The following ZPLD1 variants were observed in gnomAD, a reference collection of about 807,000 sequenced individuals.
ZPLD1 encodes zona pellucida-like domain-containing protein 1.
A neutral mutation model predicts 47.2 loss-of-function variants in ZPLD1; 34 were observed. The observed-to-expected ratio is 0.72, with a 90% CI of 0.55 to 0.96. ZPLD1 has a LOEUF of 0.96. Among genes scored for constraint, ZPLD1 ranks in the 40% least tolerant of loss-of-function variants. ZPLD1 has a pLI of 0.00. For missense variants in ZPLD1, 512 were observed against 505.8 expected (o/e 1.01, Z -0.12); for synonymous variants, 176 against 186.2 (o/e 0.95, Z 0.45).
At chr3:102,419,970 G>A (rs1471873324) in intron 8 of ZPLD1, among the ~76,000 whole-genome samples, 1 of 149,850 alleles carries the variant, frequency 6.7e-6, no homozygotes, top group Non-Finnish European at 1.5e-5. Context: ...AGCTTGATCT[G>A]GTTTGCTGTG....
exon 8 of ZPLD1, chr3:102,418,108 T>A (rs374407751): frequency 2.0e-5 from 3 of 152,306 alleles, no homozygotes; most frequent in African/African-American, 7.3e-5. Context: ...TTGACTCTTT[T>A]CTGAAAAAGT....
intron 7 of ZPLD1, among the ~76,000 whole-genome samples, chr3:102,394,716 G>A (rs1013000298): frequency 6.6e-6 from 1 of 151,974 alleles, no homozygotes; most frequent in African/African-American, 2.4e-5. Flanking sequence ...CTGGTGCTGT[G>A]GTTTGACCCT....
At chr3:102,457,393 A>G (rs1345027945) in intron 5 of ZPLD1, among the ~76,000 whole-genome samples, 2 of 152,192 alleles carry the variant, frequency 1.3e-5, no homozygotes, top group Non-Finnish European at 2.9e-5. Context: ...TCATTTACCT[A>G]CTATTTACCA....
At chr3:102,456,741 T>A (rs1040922910) in intron 5 of ZPLD1, among the ~76,000 whole-genome samples, 4 of 152,174 alleles carry the variant, frequency 2.6e-5, no homozygotes, top group African/African-American at 9.7e-5. Flanking sequence ...CCCTGTGGCG[T>A]CTCCAGTGTG....
In ZPLD1 at chr3:102,395,125, G is replaced by A. The variant is rs573231735; in HGVS notation, c.-157+2900G>A. 5.3e-5 allele frequency among the ~76,000 whole-genome samples: 8 copies of A among 152,072 alleles called. No individual in the cohort carries two copies. The South Asian group carries it at 1.2e-3, about 24-fold the overall frequency. ...TGCTTAAGGTCTAAATGCTTGACAA[G>A]GCAGACAAAATCTCCCTACCCCAAT... On this transcript the variant is annotated intron_variant, in intron 7 of 17. Coordinates refer to the ZPLD1 transcript ENST00000491959.
At chr3:102,418,403 G>A (rs533105889) in intron 8 of ZPLD1, among the ~76,000 whole-genome samples, 2 of 152,078 alleles carry the variant, frequency 1.3e-5, no homozygotes, top group African/African-American at 4.8e-5. Context: ...TATAGCAAAA[G>A]GAGGTTAAAA....
chr3:102,425,634 T>C (rs978278515), intron 8 of ZPLD1, among the ~76,000 whole-genome samples: 2 of 152,072 alleles, frequency 1.3e-5, no homozygotes, highest in East Asian at 1.9e-4. Flanking sequence ...TTTTGGTTAT[T>C]GAGATAGGAG....
chr3:102,434,968 A>G (rs1223230922), upstream of ZPLD1: 1 of 783,436 alleles, frequency 1.3e-6, no homozygotes, highest in Non-Finnish European at 2.1e-6. Flanking sequence ...CACCTGCCTA[A>G]GATCTAGGGA....
chr3:102,403,530 C>T (rs995995340), intron 7 of ZPLD1, among the ~76,000 whole-genome samples: 1 of 151,932 alleles, frequency 6.6e-6, no homozygotes, highest in Non-Finnish European at 1.5e-5. Flanking sequence ...GAGTTAAATT[C>T]ACATAACATT....
chr3:102,448,882 G>A (rs1037256486), intron 3 of ZPLD1, among the ~76,000 whole-genome samples: 2 of 152,128 alleles, frequency 1.3e-5, no homozygotes, highest in African/African-American at 4.8e-5. Context: ...ATTCACTTTG[G>A]TATACTTATG....
At chr3:102,398,046 A>G (rs1055361480) in intron 7 of ZPLD1, among the ~76,000 whole-genome samples, 1 of 152,154 alleles carries the variant, frequency 6.6e-6, no homozygotes, top group African/African-American at 2.4e-5. Context: ...ATGCACACCC[A>G]CATAATATAC....
At chr3:102,424,736 C>T (rs1189531861) in intron 8 of ZPLD1, among the ~76,000 whole-genome samples, 1 of 152,142 alleles carries the variant, frequency 6.6e-6, no homozygotes, top group Non-Finnish European at 1.5e-5. Context: ...AACACATATA[C>T]ATTTTACGAG....
At chr3:102,457,889 C>G (rs373782789) in intron 6 of ZPLD1, 36 bp downstream of exon 6, 1 of 1,605,430 alleles carries the variant, frequency 6.2e-7, no homozygotes, top group African/African-American at 1.3e-5. Context: ...TTTTCTCTTT[C>G]ACTGTTGTGA....
chr3:102,439,840 T>C (rs1048486269), intron 3 of ZPLD1, among the ~76,000 whole-genome samples: 1 of 152,250 alleles, frequency 6.6e-6, no homozygotes, highest in Non-Finnish European at 1.5e-5. Flanking sequence ...TATCATTAAA[T>C]GCAGCCAAGT....
intron 7 of ZPLD1, among the ~76,000 whole-genome samples, chr3:102,392,652 T>C (rs112758341): frequency 0.012 from 1,834 of 151,672 alleles, 34 homozygotes; most frequent in African/African-American, 0.042. Context: ...AACCTGTAAA[T>C]CCATCAATCT....
chr3:102,467,240 C>A (rs1013711237), intron 8 of ZPLD1, among the ~76,000 whole-genome samples: 3 of 151,758 alleles, frequency 2.0e-5, no homozygotes, highest in South Asian at 2.1e-4. Flanking sequence ...AGACTTGTAT[C>A]AAAAATGAAA....
chr3:102,440,449 A>G (rs150855360), intron 3 of ZPLD1, among the ~76,000 whole-genome samples: 81 of 152,266 alleles, frequency 5.3e-4, no homozygotes, highest in East Asian at 2.3e-3. Flanking sequence ...GAACAACTGG[A>G]TGTTGATGCT....
intron 8 of ZPLD1, among the ~76,000 whole-genome samples, chr3:102,419,975 G>T (rs2107305422): frequency 6.7e-6 from 1 of 148,470 alleles, no homozygotes; most frequent in Middle Eastern, 3.6e-3. Context: ...GATCTGGTTT[G>T]CTGTGTTTGT....
intron 7 of ZPLD1, among the ~76,000 whole-genome samples, chr3:102,412,249 A>G (rs1706754232): frequency 6.6e-6 from 1 of 151,852 alleles, no homozygotes; most frequent in Non-Finnish European, 1.5e-5. Flanking sequence ...ACAGCTGGGC[A>G]TTATAGCCTA....
Sources: gnomAD v4.1 joint callset for allele counts (sites outside exome capture counted in the v4.1 genomes callset) on GRCh38, gnomAD v4.1.1 for gene constraint, MANE v1.5 for transcripts, NCBI Gene and HGNC (gene_info 2026-07-23, HGNC 2026-07-21) for gene names.